The following SEMA5A variants were observed in gnomAD, a reference collection of about 807,000 sequenced individuals.
SEMA5A encodes the protein semaphorin-5A.
In SEMA5A, 55 loss-of-function variants were observed where a neutral mutation model predicts 135.5. The observed-to-expected ratio is 0.41, with a 90% confidence interval of 0.33 to 0.51. The LOEUF (loss-of-function observed/expected upper bound fraction) is 0.51, where lower values mean the gene tolerates loss of function less well. Ranked by LOEUF, SEMA5A falls within the 20% of genes least tolerant of loss-of-function variation. SEMA5A has a pLI of 0.37. For missense variants in SEMA5A, 1,290 were observed against 1,419.9 expected, an observed-to-expected ratio of 0.91 and a Z score of 1.47; for synonymous variants, 580 against 546.5, an observed-to-expected ratio of 1.06 and a Z score of -0.85.
chr5:9,069,453 T>C (rs994668104), intron 16 of SEMA5A, among the ~76,000 whole-genome samples: 1 of 152,252 alleles, frequency 6.6e-6, no homozygotes, highest in Admixed American at 6.5e-5. Context: ...TCTAACACTG[T>C]ATTAGTATGT....
At chr5:9,166,313 G>A (rs1743605359) in intron 11 of SEMA5A, among the ~76,000 whole-genome samples, 1 of 152,024 alleles carries the variant, frequency 6.6e-6, no homozygotes, top group Admixed American at 6.6e-5. Context: ...GGGCACAACA[G>A]CCCAGGTTAA....
intron 3 of SEMA5A, among the ~76,000 whole-genome samples, chr5:9,341,467 G>A (rs1181707824): frequency 6.6e-6 from 1 of 151,912 alleles, no homozygotes; most frequent in Non-Finnish European, 1.5e-5. Flanking sequence ...AGTTCGGGGA[G>A]AGTGAGGGAG....
At chr5:9,120,812 C>T (rs1455457414) in intron 14 of SEMA5A, among the ~76,000 whole-genome samples, 1 of 148,920 alleles carries the variant, frequency 6.7e-6, no homozygotes, top group African/African-American at 2.5e-5. Context: ...CAGAGTCTCG[C>T]TCTGTCGCCA....
intron 5 of SEMA5A, among the ~76,000 whole-genome samples, chr5:9,291,841 G>A (rs1751098833): frequency 6.6e-6 from 1 of 151,638 alleles, no homozygotes; most frequent in Non-Finnish European, 1.5e-5. Context: ...AAATAAAACG[G>A]TTGTTTTAAA....
In SEMA5A at chr5:9,412,129, G is replaced by T. The variant is rs76614480; in HGVS notation, c.-78+25627C>A. On this transcript the variant is annotated intron_variant, in intron 2 of 22. Coordinates refer to ENST00000382496, the MANE Select transcript of SEMA5A (RefSeq NM_003966.3). Reference sequence around the variant, plus strand: ...GGCATTTGTTTAGAATGACATAGAAGGTCTTAGCTAAATCCATGCAAAGTG... The same window carrying T: ...GGCATTTGTTTAGAATGACATAGAATGTCTTAGCTAAATCCATGCAAAGTG... 4.1e-3 allele frequency among the ~76,000 whole-genome samples: 625 copies of T among 152,154 alleles called. 6 individuals are homozygous for T. The highest frequency in any genetic ancestry group is 0.014 in the African/African-American group (587 of 41,522).
chr5:9,391,741 T>C (rs1165711422), intron 2 of SEMA5A, among the ~76,000 whole-genome samples: 3 of 152,218 alleles, frequency 2.0e-5, no homozygotes, highest in South Asian at 4.1e-4. Flanking sequence ...TTGGTGTTTT[T>C]CATTCATGCC....
chr5:9,282,467 A>C (rs929051539), intron 5 of SEMA5A, among the ~76,000 whole-genome samples: 2 of 152,212 alleles, frequency 1.3e-5, no homozygotes, highest in Admixed American at 6.5e-5. Flanking sequence ...TAACTTGCCC[A>C]TTCCTAAAAC....
At chr5:9,058,066 T>C (rs912404280) in intron 18 of SEMA5A, among the ~76,000 whole-genome samples, 3 of 152,194 alleles carry the variant, frequency 2.0e-5, no homozygotes, top group African/African-American at 4.8e-5. Flanking sequence ...TGTAAGCCAC[T>C]GTGGAAGGCA....
At chr5:9,357,654 C>G (rs1164115213) in intron 3 of SEMA5A, among the ~76,000 whole-genome samples, 1 of 152,118 alleles carries the variant, frequency 6.6e-6, no homozygotes, top group Non-Finnish European at 1.5e-5. Flanking sequence ...GATTAGAGTG[C>G]CAAGAGAGGG....
chr5:9,205,682 A>C (rs1287228092), intron 8 of SEMA5A, among the ~76,000 whole-genome samples: 1 of 152,244 alleles, frequency 6.6e-6, no homozygotes, highest in African/African-American at 2.4e-5. Context: ...GGTTTGCAAA[A>C]ACAACAAAAT....
At chr5:9,418,016 G>T (rs541711124) in intron 2 of SEMA5A, among the ~76,000 whole-genome samples, 7 of 145,678 alleles carry the variant, frequency 4.8e-5, no homozygotes, top group African/African-American at 7.7e-5. Context: ...TCGCTCTGTC[G>T]CCCAGGCTGG....
chr5:9,385,016 T>A (rs930352086), intron 2 of SEMA5A, among the ~76,000 whole-genome samples: 1 of 152,176 alleles, frequency 6.6e-6, no homozygotes, highest in Non-Finnish European at 1.5e-5. Context: ...TAAAAATATA[T>A]TACGTGAGTT....
intron 16 of SEMA5A, among the ~76,000 whole-genome samples, chr5:9,078,411 A>G (rs866836584): frequency 6.6e-6 from 1 of 152,226 alleles, no homozygotes; most frequent in African/African-American, 2.4e-5. Flanking sequence ...CATTGAATAC[A>G]TAACAAAAGT....
intron 1 of SEMA5A, among the ~76,000 whole-genome samples, chr5:9,475,590 T>G (rs1182603559): frequency 6.6e-6 from 1 of 152,206 alleles, no homozygotes; most frequent in Non-Finnish European, 1.5e-5. Flanking sequence ...GAAAAATTCA[T>G]CTGCATAATA....
At chr5:9,474,251 C>T (rs3798036) in intron 1 of SEMA5A, among the ~76,000 whole-genome samples, 125,355 of 151,972 alleles carry the variant, frequency 0.82, 51,807 homozygotes, top group Non-Finnish European at 0.85. Context: ...AGGCCACTCC[C>T]GTACACCCAG....
intron 8 of SEMA5A, among the ~76,000 whole-genome samples, chr5:9,215,325 C>A (rs778506499): frequency 6.6e-6 from 1 of 152,144 alleles, no homozygotes; most frequent in South Asian, 2.1e-4. Context: ...TTCCTTTGGA[C>A]AGTGTTATAG....
rs1561208222 is a variant in SEMA5A, at chr5:9,384,657, TAGATATAGATAGATAGATATAG to T, written c.-77-4656_-77-4635del. 1.6e-3 allele frequency among the ~76,000 whole-genome samples: 199 copies of T among 126,106 alleles called. 10 individuals carry two copies. The highest frequency in any genetic ancestry group is 4.0e-3 in the Middle Eastern group (1 of 252). 82.7% of individuals were successfully genotyped at this position (126,106 alleles called of 152,430 possible). ...ATAGATAGATAGATAGATAGATAGA[TAGATATAGATAGATAGATATAG>T]ATAGATAGATAGATAGATAGATAGA... is the stretch of plus-strand genomic sequence containing the variant. On this transcript the variant is annotated intron_variant, in intron 2 of 22. Coordinates refer to ENST00000382496, the MANE Select transcript of SEMA5A (RefSeq NM_003966.3).
At chr5:9,215,536 T>C (rs745648672) in intron 8 of SEMA5A, among the ~76,000 whole-genome samples, 57 of 152,038 alleles carry the variant, frequency 3.7e-4, no homozygotes, top group Non-Finnish European at 7.4e-4. Context: ...GAGACAGACA[T>C]AGGATTGAAG....
At position 9,221,925 on chromosome 5, in the gene SEMA5A, G is replaced by A. The variant is rs566962324; in HGVS notation, c.646+2749C>T. On this transcript the variant is annotated intron_variant, in intron 8 of 22. Coordinates refer to ENST00000382496, the MANE Select transcript of SEMA5A (RefSeq NM_003966.3). Reference sequence around the variant, plus strand: ...GAGAGGACAGGAACTGGGGTGCTTAGACCATTACGGAGCTGACCTGAGGGC... The same window carrying A: ...GAGAGGACAGGAACTGGGGTGCTTAAACCATTACGGAGCTGACCTGAGGGC... 8.5e-5 allele frequency among the ~76,000 whole-genome samples: 13 copies of A among 152,234 alleles called. No individual in the cohort carries two copies. In the South Asian group the frequency reaches 2.5e-3, roughly 29 times the overall value.
Sources: gnomAD v4.1 joint callset for allele counts (sites outside exome capture counted in the v4.1 genomes callset) on GRCh38, gnomAD v4.1.1 for gene constraint, MANE v1.5 for transcripts, NCBI Gene and HGNC (gene_info 2026-07-23, HGNC 2026-07-21) for gene names.